Variants in TESMIN observed in about 807,000 individuals in gnomAD.
The protein encoded by TESMIN is CXC domain containing 2.
TESMIN carries 34 observed loss-of-function variants against 47.4 expected under a neutral mutation model. The observed-to-expected ratio is 0.72, with a 90% CI of 0.55 to 0.96. TESMIN has a LOEUF of 0.96. TESMIN is among the 40% of genes least tolerant of loss of function. The pLI is 0.00. For missense variants in TESMIN, 610 were observed against 637.2 expected, an observed-to-expected ratio of 0.96 and a Z score of 0.46; for synonymous variants, 278 against 258.9, an observed-to-expected ratio of 1.07 and a Z score of -0.71.
downstream of TESMIN, among the ~76,000 whole-genome samples, chr11:68,705,190 AAC>A (rs1286001206): frequency 6.6e-6 from 1 of 152,212 alleles, no homozygotes; most frequent in Non-Finnish European, 1.5e-5. Flanking sequence ...CCGCCTGCAG[AAC>A]GGGAGGCCTC....
chr11:68,736,792 A>G, intron 6 of TESMIN: 1 of 970,584 alleles, frequency 1.0e-6, no homozygotes, highest in Non-Finnish European at 1.2e-6. Flanking sequence ...AGGAGAACAA[A>G]GAGGAGGAGG....
At chr11:68,710,312 C>T (rs1259560240) in intron 9 of TESMIN, among the ~76,000 whole-genome samples, 2 of 152,020 alleles carry the variant, frequency 1.3e-5, no homozygotes, top group African/African-American at 4.8e-5. Context: ...TTTTTTTAAA[C>T]AAATGAATGG....
intron 6 of TESMIN, among the ~76,000 whole-genome samples, chr11:68,735,924 A>C (rs1472326176): frequency 6.6e-6 from 1 of 152,260 alleles, no homozygotes; most frequent in Admixed American, 6.5e-5. Flanking sequence ...ATGAGCACGG[A>C]GTGCAGGGGC....
intron 6 of TESMIN, chr11:68,738,247 T>C (rs942499471): frequency 7.0e-6 from 7 of 995,538 alleles, no homozygotes; most frequent in African/African-American, 1.7e-5. Context: ...GCACCTGCCA[T>C]AGAGCTCGAG....
At chr11:68,746,584 C>T (rs1364639058) in intron 3 of TESMIN, among the ~76,000 whole-genome samples, 1 of 152,166 alleles carries the variant, frequency 6.6e-6, no homozygotes, top group Non-Finnish European at 1.5e-5. Context: ...TAAGGGAATG[C>T]TGTGGGCGAC....
At chr11:68,713,710 C>T (rs1328745488) in intron 7 of TESMIN, among the ~76,000 whole-genome samples, 1 of 152,158 alleles carries the variant, frequency 6.6e-6, no homozygotes, top group East Asian at 1.9e-4. Flanking sequence ...CGTGTGGACA[C>T]ATTTCCATCC....
At position 68,750,618 on chromosome 11, in the gene TESMIN, C is replaced by A. The variant is rs751784361; in HGVS notation, c.43G>T (p.Asp15Tyr). The change falls in exon 2 of 10, where the codon GAT (aspartate) becomes TAT (tyrosine). Residue 15 changes from aspartate (D) to tyrosine (Y), a missense_variant. By Grantham distance (160) the Asp-to-Tyr change is radical (BLOSUM62 -3). Transcript: ENST00000255087. ...PLPGGLPSPE[D>Y]AMVTELLSPE... ...CTTAAGAGCTCCGTCACCATCGCATCCTCGGGGCTGGGCAGCCCGCCCGGC... is the reference window on the plus strand; with the variant it reads ...CTTAAGAGCTCCGTCACCATCGCATACTCGGGGCTGGGCAGCCCGCCCGGC... The A allele has an allele frequency of 1.2e-4, 195 of 1,591,708 alleles. No individual in the cohort carries two copies. The highest frequency in any genetic ancestry group is 1.7e-4 in the Non-Finnish European group (193 of 1,168,562).
chr11:68,710,190 G>A (rs567300043), intron 9 of TESMIN, among the ~76,000 whole-genome samples: 35 of 152,286 alleles, frequency 2.3e-4, no homozygotes, highest in Non-Finnish European at 4.9e-4. Context: ...TCACAATCAT[G>A]AGTATTTCTG....
At chr11:68,713,880 A>T (rs1387624680) in intron 7 of TESMIN, among the ~76,000 whole-genome samples, 1 of 152,030 alleles carries the variant, frequency 6.6e-6, no homozygotes, top group Non-Finnish European at 1.5e-5. Flanking sequence ...CTAACGTATG[A>T]TTGTTTTATA....
chr11:68,723,273 A>G (rs1396022585), intron 6 of TESMIN, among the ~76,000 whole-genome samples: 1 of 151,898 alleles, frequency 6.6e-6, no homozygotes, highest in Admixed American at 6.6e-5. Flanking sequence ...ACATACACAT[A>G]TATGTATATA....
chr11:68,744,922 C>A, intron 4 of TESMIN, 69 bp downstream of exon 4: 1 of 1,354,806 alleles, frequency 7.4e-7, no homozygotes, highest in Non-Finnish European at 9.9e-7. Flanking sequence ...ACTTTATATA[C>A]AAAGCCAAAC....
intron 7 of TESMIN, among the ~76,000 whole-genome samples, chr11:68,714,644 A>G (rs1222829397): frequency 1.3e-5 from 2 of 152,176 alleles, no homozygotes; most frequent in Non-Finnish European, 2.9e-5. Flanking sequence ...CAATGCATCA[A>G]TTCATCCATT....
rs758067600 is a variant in TESMIN at position 68,738,654 on chromosome 11, T to C, written c.917+46A>G. The stretch of plus-strand genomic sequence containing the variant: ...AATCGTGAACGTATCCAAGAGTCTC[T>C]TAAATTATTACATTAGAGTGACAAT... On this transcript the variant is annotated intron_variant, in intron 6 of 9. Transcript: ENST00000255087. The C allele has an allele frequency of 1.1e-5, 18 of 1,610,112 alleles. No homozygotes were observed. In the South Asian group the frequency reaches 1.9e-4, roughly 17 times the overall value.
At chr11:68,716,462 C>T (rs539615626) in intron 6 of TESMIN, among the ~76,000 whole-genome samples, 3 of 152,212 alleles carry the variant, frequency 2.0e-5, no homozygotes, top group Non-Finnish European at 2.9e-5. Flanking sequence ...AAGTGAATGG[C>T]AGAGGAAAGG....
chr11:68,737,646 G>C lies in TESMIN; in HGVS notation c.917+1054C>G, dbSNP rs1479895126. 7.1e-6 allele frequency: 7 copies of C among 985,660 alleles called. No homozygotes were observed. In the Admixed American group the frequency reaches 4.3e-4, roughly 61 times the overall value. The allele number at this position is 985,660 out of a possible 1,614,324, so 61.1% of individuals were successfully genotyped here. ...CAAAGAACTCCTGCAGGCAGGCCGG[G>C]CACGCCTGTAATCCCAGCACTTTGG... On this transcript the variant is annotated intron_variant, in intron 6 of 9. Transcript: ENST00000255087.
intron 6 of TESMIN, chr11:68,736,218 A>G: frequency 1.0e-6 from 1 of 985,412 alleles, no homozygotes; most frequent in Non-Finnish European, 1.2e-6. Flanking sequence ...ATTTATTACC[A>G]GATTGGTAAT....
intron 7 of TESMIN, among the ~76,000 whole-genome samples, chr11:68,715,033 T>C (rs970258876): frequency 6.6e-6 from 1 of 152,234 alleles, no homozygotes; most frequent in Non-Finnish European, 1.5e-5. Context: ...ATATTTCAAG[T>C]CATTTATCCA....
chr11:68,711,149 G>A (rs1946061719), intron 8 of TESMIN, 100 bp from the exon 9 acceptor site: 1 of 1,044,670 alleles, frequency 9.6e-7, no homozygotes, highest in South Asian at 1.6e-5. Context: ...GCGTATATTT[G>A]CCCATGACAG....
At chr11:68,729,747 T>C (rs1295231634) in intron 6 of TESMIN, among the ~76,000 whole-genome samples, 1 of 152,222 alleles carries the variant, frequency 6.6e-6, no homozygotes, top group Admixed American at 6.5e-5. Context: ...AGATGGAATC[T>C]GCTCCTGGTG....
Sources: gnomAD v4.1 joint callset for allele counts (sites outside exome capture counted in the v4.1 genomes callset) on GRCh38, gnomAD v4.1.1 for gene constraint, MANE v1.5 for transcripts, NCBI Gene and HGNC (gene_info 2026-07-23, HGNC 2026-07-21) for gene names.